Variants in DYSF observed in about 807,000 individuals in gnomAD.
DYSF encodes the protein dysferlin.
A neutral mutation model predicts 274.9 loss-of-function variants in DYSF; 212 were observed. The ratio of observed to expected loss-of-function variants is 0.77; its 90% CI spans 0.69 to 0.86. The LOEUF (loss-of-function observed/expected upper bound fraction) is 0.86, where lower values mean the gene tolerates loss of function less well. DYSF is among the 40% of genes least tolerant of loss of function. The probability of loss-of-function intolerance (pLI) is 0.00; values close to 1 mark genes in which losing one functional copy is unlikely to be tolerated. For missense variants in DYSF, 2,666 were observed against 2,783.2 expected, an observed-to-expected ratio of 0.96 and a Z score of 0.95; for synonymous variants, 1,091 against 1,078.7, an observed-to-expected ratio of 1.01 and a Z score of -0.22.
intron 48 of DYSF, 112 bp from the exon 49 acceptor site, chr2:71,668,642 G>C: frequency 9.7e-7 from 1 of 1,030,208 alleles, no homozygotes; most frequent in Non-Finnish European, 1.5e-6. Flanking sequence ...GCTTTCTCTG[G>C]AAGGGCCTGG....
At chr2:71,545,403 C>A (rs2090385218) in intron 17 of DYSF, among the ~76,000 whole-genome samples, 1 of 152,166 alleles carries the variant, frequency 6.6e-6, no homozygotes, top group African/African-American at 2.4e-5. Context: ...AACGACCTTC[C>A]TGAAGGCACT....
At chr2:71,636,568 G>C (rs1293142158) in intron 41 of DYSF, among the ~76,000 whole-genome samples, 1 of 152,122 alleles carries the variant, frequency 6.6e-6, no homozygotes, top group African/African-American at 2.4e-5. Context: ...GAGCAGACTG[G>C]GCAGGGATGT....
chr2:71,541,407 A>C (rs1290178880), intron 17 of DYSF, among the ~76,000 whole-genome samples: 1 of 152,180 alleles, frequency 6.6e-6, no homozygotes, highest in Non-Finnish European at 1.5e-5. Context: ...TTGAGGTATA[A>C]TTTATTTACA....
At chr2:71,528,822 C>G (rs1423263016) in intron 14 of DYSF, among the ~76,000 whole-genome samples, 2 of 152,334 alleles carry the variant, frequency 1.3e-5, no homozygotes, top group East Asian at 3.9e-4. Flanking sequence ...AAAGGCCCCT[C>G]TGGTGGGCAC....
At chr2:71,515,837 G>C (rs1445453340) in intron 8 of DYSF, 86 bp downstream of exon 8, 17 of 1,585,298 alleles carry the variant, frequency 1.1e-5, no homozygotes, top group Non-Finnish European at 1.5e-5. Context: ...ATTCATTCAA[G>C]AGTGTTTACG....
At chr2:71,516,900 G>T in intron 9 of DYSF, 89 bp from the exon 10 acceptor site, 1 of 1,193,798 alleles carries the variant, frequency 8.4e-7, no homozygotes, top group Middle Eastern at 2.3e-4. Flanking sequence ...AGTGTTGGCA[G>T]TTATTGTTTG....
intron 30 of DYSF, among the ~76,000 whole-genome samples, chr2:71,583,576 T>C (rs2092966687): frequency 6.6e-6 from 1 of 152,208 alleles, no homozygotes; most frequent in African/African-American, 2.4e-5. Flanking sequence ...ACCCCTGCTC[T>C]GGCCCTTCTG....
chr2:71,650,033 T>C (rs567765752), intron 42 of DYSF, among the ~76,000 whole-genome samples: 1 of 152,316 alleles, frequency 6.6e-6, no homozygotes, highest in East Asian at 1.9e-4. Flanking sequence ...TTCCAAGATA[T>C]GACACTTATG....
chr2:71,636,797 A>C (rs1339207192), intron 41 of DYSF, among the ~76,000 whole-genome samples: 1 of 152,116 alleles, frequency 6.6e-6, no homozygotes, highest in African/African-American at 2.4e-5. Flanking sequence ...GCCCTGAGGC[A>C]CTCAGATGGC....
At chr2:71,680,891 CTT>C in intron 53 of DYSF, 108 bp from the exon 54 acceptor site, 1 of 862,980 alleles carries the variant, frequency 1.2e-6, no homozygotes. Flanking sequence ...AACCCTACAT[CTT>C]TTTTTTTAAA....
At chr2:71,554,461 C>T (rs970463152) in intron 21 of DYSF, among the ~76,000 whole-genome samples, 2 of 152,068 alleles carry the variant, frequency 1.3e-5, no homozygotes, top group Non-Finnish European at 2.9e-5. Flanking sequence ...GGGCTCCGAG[C>T]AGGGCAGGTG....
Position 71,600,591 on chromosome 2 carries a change from ACT to A in DYSF, c.3757-110_3757-109del, listed in dbSNP as rs370660442. ...CCATTCTGTGGGAGGGGGTGCCCTT[ACT>A]ACTGAGGCCCTTTCTAGTTCAGAAG... On this transcript the variant is annotated intron_variant, in intron 33 of 55. Coordinates refer to ENST00000410020, the MANE Select transcript of DYSF (RefSeq NM_001130987.2). 1,245 of 1,481,286 alleles carry A rather than the reference ACT, an allele frequency of 8.4e-4. 10 individuals carry two copies. The African/African-American group carries it at 0.015, about 18-fold the overall frequency. The allele number at this position is 1,481,286 out of a possible 1,614,324, so 91.8% of individuals were successfully genotyped here. A position where few individuals can be genotyped will look rare whatever the true frequency, so the allele number is the denominator to read the frequency against.
chr2:71,615,610 A>T lies in DYSF; in HGVS notation c.4464+2200A>T, dbSNP rs2093863747. Among the ~76,000 whole-genome samples, 1 of 152,070 alleles carries T rather than the reference A, an allele frequency of 6.6e-6. No individual in the cohort carries two copies. The highest frequency in any genetic ancestry group is 1.5e-5 in the Non-Finnish European group (1 of 67,982). On this transcript the variant is annotated intron_variant, in intron 40 of 55. Coordinates refer to ENST00000410020, the MANE Select transcript of DYSF (RefSeq NM_001130987.2). This position sits in a 1 kb window ranked among gnomAD's most constrained non-coding sequence, Gnocchi z 4.9. ...TTGCTCTGATTTGGCTGATCCAGGA[A>T]ATCTTTCACTCACTCGCCTCTCCTC... is the stretch of plus-strand genomic sequence containing the variant.
At chr2:71,532,388 T>G (rs1283521889) in intron 14 of DYSF, among the ~76,000 whole-genome samples, 1 of 151,782 alleles carries the variant, frequency 6.6e-6, no homozygotes, top group African/African-American at 2.4e-5. Context: ...CTAATAATAC[T>G]CCATTGGGTA....
At chr2:71,622,625 AT>A (rs1352787333) in intron 41 of DYSF, among the ~76,000 whole-genome samples, 4 of 151,666 alleles carry the variant, frequency 2.6e-5, no homozygotes, top group Non-Finnish European at 4.4e-5. Context: ...TTATTTTTTT[AT>A]TGTTTTTGAG....
chr2:71,530,923 T>G (rs1180744955), intron 14 of DYSF, among the ~76,000 whole-genome samples: 1 of 152,038 alleles, frequency 6.6e-6, no homozygotes, highest in African/African-American at 2.4e-5. Flanking sequence ...GGACACCTGG[T>G]GGCAGTATTA....
intron 41 of DYSF, 107 bp from the exon 42 acceptor site, chr2:71,643,858 C>T (rs1011794443): frequency 1.1e-5 from 9 of 844,540 alleles, no homozygotes; most frequent in Non-Finnish European, 1.8e-5. Context: ...TTAGGAAAGC[C>T]TTGTGGTCCA....
intron 44 of DYSF, 109 bp from the exon 45 acceptor site, chr2:71,660,451 A>C: frequency 4.3e-6 from 4 of 940,268 alleles, no homozygotes; most frequent in Non-Finnish European, 6.9e-6. Context: ...CCCACATCTC[A>C]ACTTCCTGAT....
At chr2:71,470,340 C>A (rs1182040580) in intron 1 of DYSF, among the ~76,000 whole-genome samples, 1 of 152,028 alleles carries the variant, frequency 6.6e-6, no homozygotes, top group Non-Finnish European at 1.5e-5. Flanking sequence ...CCCGGACTCT[C>A]TGAACCTAGC....
Sources: gnomAD v4.1 joint callset for allele counts (sites outside exome capture counted in the v4.1 genomes callset) on GRCh38, gnomAD v4.1.1 for gene constraint, Gnocchi (gnomAD v3.1) non-coding constraint, MANE v1.5 for transcripts, NCBI Gene and HGNC (gene_info 2026-07-23, HGNC 2026-07-21) for gene names.